Variants in ZNF79 observed in about 807,000 individuals in gnomAD.
ZNF79 encodes the protein ZNFpT7.
In ZNF79, 13 loss-of-function variants were observed where a neutral mutation model predicts 14.9. The observed-to-expected ratio is 0.87, with a 90% CI of 0.57 to 1.38. ZNF79 has a LOEUF of 1.38. Among genes scored for constraint, ZNF79 ranks in the 40% most tolerant of loss-of-function variants. The pLI is 0.00. For missense variants in ZNF79, 631 were observed against 630.6 expected (o/e 1.00, Z -0.01); for synonymous variants, 223 against 235.1 (o/e 0.95, Z 0.47).
chr9:127,433,233 G>A (rs1833891237), intron 2 of ZNF79, among the ~76,000 whole-genome samples: 1 of 152,174 alleles, frequency 6.6e-6, no homozygotes, highest in African/African-American at 2.4e-5. Context: ...CAGTGGTAGG[G>A]GAGTGGAAAT....
chr9:127,443,947 G>C, intron 4 of ZNF79, 82 bp from the exon 5 acceptor site: 1 of 1,127,772 alleles, frequency 8.9e-7, no homozygotes, highest in Non-Finnish European at 1.2e-6. Context: ...AAACCTGTGT[G>C]TGTAAGAGCT....
intron 4 of ZNF79, among the ~76,000 whole-genome samples, chr9:127,436,930 G>A (rs1833958073): frequency 6.6e-6 from 1 of 152,026 alleles, no homozygotes; most frequent in Non-Finnish European, 1.5e-5. Flanking sequence ...GTGGTGGCGG[G>A]CACATGTAAT....
Position 127,445,131 on chromosome 9 carries a change from G to C in ZNF79, c.1431G>C (p.Glu477Asp). ...GCGTGAAACCCTACGAATGCAGCGA[G>C]TGTGGGAAGGCCTTCCGGTGCAGCT... is the stretch of plus-strand genomic sequence containing the variant. ...HTGVKPYECS[E>D]CGKAFRCSSA... Residue 477 changes from glutamate to aspartate, a missense_variant, in exon 5 of 5, where the codon GAG becomes GAC. Physicochemically the swap from Glu to Asp is conservative, Grantham distance 45 (BLOSUM62 2). Coordinates refer to ENST00000342483, the MANE Select transcript of ZNF79 (RefSeq NM_007135.3). 1.2e-6 allele frequency: 2 copies of C among 1,614,134 alleles called. No homozygotes were observed. The highest frequency in any genetic ancestry group is 1.7e-6 in the Non-Finnish European group (2 of 1,180,014).
chr9:127,432,538 T>TC (rs1181006524), intron 2 of ZNF79, among the ~76,000 whole-genome samples: 2 of 151,948 alleles, frequency 1.3e-5, no homozygotes, highest in African/African-American at 2.4e-5. Flanking sequence ...GTATTTTTTT[T>TC]TTTTTTAGGT....
chr9:127,427,418 C>G lies in ZNF79; in HGVS notation c.17-1414C>G, dbSNP rs1279895642. Among the ~76,000 whole-genome samples the G allele has an allele frequency of 4.1e-5, 6 of 147,198 alleles. No homozygotes were observed. In the East Asian group the frequency reaches 1.2e-3, roughly 29 times the overall value. ...AGTCTGGGCAACAAAAGCGAAACTC[C>G]GTCTCAAAAAAAAAAAAAACACAAA... On this transcript the variant is annotated intron_variant, in intron 1 of 4. Coordinates refer to ENST00000342483, the MANE Select transcript of ZNF79 (RefSeq NM_007135.3).
At chr9:127,427,980 C>T (rs1403520792) in intron 1 of ZNF79, among the ~76,000 whole-genome samples, 1 of 151,900 alleles carries the variant, frequency 6.6e-6, no homozygotes, top group Non-Finnish European at 1.5e-5. Context: ...AAGAGTTCTA[C>T]CCCTTTTTCT....
At chr9:127,428,731 A>G (rs753116822) in intron 1 of ZNF79, 101 bp from the exon 2 acceptor site, 29 of 1,291,002 alleles carry the variant, frequency 2.2e-5, no homozygotes, top group Non-Finnish European at 2.5e-5. Flanking sequence ...CTGCAGATTC[A>G]GCCCACGTGC....
chr9:127,438,572 A>G (rs951604624), intron 4 of ZNF79, among the ~76,000 whole-genome samples: 36 of 152,164 alleles, frequency 2.4e-4, no homozygotes, highest in Non-Finnish European at 4.6e-4. Flanking sequence ...TTGGACAGAA[A>G]GGGTCTGACT....
chr9:127,444,040 A>AT lies in ZNF79; in HGVS notation c.341dup (p.Ser115IlefsTer11). The stretch of plus-strand genomic sequence containing the variant: ...CATTTTTTTTTCAGGCTGGAAGATT[A>AT]TATCTGGATCACCACCAGAGCAAGC... On this transcript the variant is annotated frameshift_variant, in exon 5 of 5. Coordinates refer to ENST00000342483, the MANE Select transcript of ZNF79 (RefSeq NM_007135.3). LOFTEE classifies it low-confidence loss of function (END_TRUNC). 6.3e-7 allele frequency: 1 copy of AT among 1,585,762 alleles called. No individual in the cohort carries two copies. The highest frequency in any genetic ancestry group is 2.3e-5 in the East Asian group (1 of 44,380).
At chr9:127,443,964 G>C in intron 4 of ZNF79, 65 bp from the exon 5 acceptor site, 1 of 1,421,878 alleles carries the variant, frequency 7.0e-7, no homozygotes, top group South Asian at 1.4e-5. Flanking sequence ...AGCTTGGCCA[G>C]ACTCCTTCAG....
At chr9:127,439,867 A>C (rs1834019559) in intron 4 of ZNF79, among the ~76,000 whole-genome samples, 1 of 151,938 alleles carries the variant, frequency 6.6e-6, no homozygotes, top group African/African-American at 2.4e-5. Flanking sequence ...TAACTAATCT[A>C]CTTTTTTTTT....
At chr9:127,440,513 T>C (rs980217125) in intron 4 of ZNF79, among the ~76,000 whole-genome samples, 22 of 152,164 alleles carry the variant, frequency 1.4e-4, no homozygotes, top group African/African-American at 5.3e-4. Flanking sequence ...ACTGGAGCCA[T>C]GGTAAGGCGT....
At position 127,424,717 on chromosome 9, in the gene ZNF79, T is replaced by G. The variant is rs1588064592; in HGVS notation, c.-71T>G. The G allele has an allele frequency of 3.1e-6, 5 of 1,608,336 alleles. No individual in the cohort carries two copies. The highest frequency in any genetic ancestry group is 2.0e-4 in the Middle Eastern group (1 of 5,106). On this transcript the variant is annotated 5_prime_UTR_variant, in exon 1 of 5. Coordinates refer to ENST00000342483, the MANE Select transcript of ZNF79 (RefSeq NM_007135.3). Reference sequence around the variant, plus strand: ...GTCAGAGCAGCCCTGCAGAACGGGGTGGGGGCTGCTGTAGATAGACCCTTA... The same window carrying G: ...GTCAGAGCAGCCCTGCAGAACGGGGGGGGGGCTGCTGTAGATAGACCCTTA...
At chr9:127,424,900 C>A in intron 1 of ZNF79, 97 bp downstream of exon 1, 2 of 1,583,360 alleles carry the variant, frequency 1.3e-6, no homozygotes, top group Non-Finnish European at 1.7e-6. Context: ...CTCTCTTTAT[C>A]TCTCCTACAG....
Position 127,444,076 on chromosome 9 carries a change from G to T in ZNF79, c.376G>T (p.Ala126Ser). 1 of 1,609,004 alleles carries T rather than the reference G, an allele frequency of 6.2e-7. No homozygotes were observed. Among genetic ancestry groups the T allele is most frequent in the Non-Finnish European group, 8.5e-7 (1 of 1,177,658 alleles). ...GSPPEQALSE[A>S]SFQDPCVEMP... is the part of the protein sequence containing the mutation. ...ACCACCAGAGCAAGCCCTTTCTGAA[G>T]CTTCATTCCAAGACCCATGTGTAGA... Residue 126 changes from alanine to serine, a missense_variant, in exon 5 of 5, where the codon GCT (alanine) becomes TCT (serine). Ala to Ser is a moderately conservative substitution (Grantham distance 99, BLOSUM62 1). Coordinates refer to ENST00000342483, the MANE Select transcript of ZNF79 (RefSeq NM_007135.3).
In ZNF79 at chr9:127,437,438, C is replaced by A. The variant is rs74758071; in HGVS notation, c.328+1435C>A. ...AGAAATTGAGAGCAGTGTTTAGTGG[C>A]GAGGGGAACAACTGCCTTTTTCTGG... On this transcript the variant is annotated intron_variant, in intron 4 of 4. Coordinates refer to ENST00000342483, the MANE Select transcript of ZNF79 (RefSeq NM_007135.3). 1.9e-3 allele frequency among the ~76,000 whole-genome samples: 289 copies of A among 151,778 alleles called. 4 individuals are homozygous for A. The highest frequency in any genetic ancestry group is 6.9e-3 in the African/African-American group (284 of 41,378).
intron 1 of ZNF79, among the ~76,000 whole-genome samples, chr9:127,426,674 TC>T (rs1833761373): frequency 6.6e-6 from 1 of 152,232 alleles, no homozygotes; most frequent in African/African-American, 2.4e-5. Flanking sequence ...TCAGGGTTCA[TC>T]CAGGTTATAG....
intron 4 of ZNF79, among the ~76,000 whole-genome samples, chr9:127,441,472 G>A (rs984809397): frequency 3.9e-5 from 6 of 152,156 alleles, no homozygotes; most frequent in Non-Finnish European, 7.3e-5. Flanking sequence ...AAGAGGTGGA[G>A]CCCAGATTTG....
chr9:127,427,542 C>CTTTTTT (rs71378001), intron 1 of ZNF79, among the ~76,000 whole-genome samples: 3 of 132,586 alleles, frequency 2.3e-5, no homozygotes, highest in Admixed American at 8.2e-5. Context: ...TAACTAAATT[C>CTTTTTT]TTTTTTTTTT....
Sources: gnomAD v4.1 joint callset for allele counts (sites outside exome capture counted in the v4.1 genomes callset) on GRCh38, gnomAD v4.1.1 for gene constraint, MANE v1.5 for transcripts, NCBI Gene and HGNC (gene_info 2026-07-23, HGNC 2026-07-21) for gene names.